The following RHOJ variants were observed in gnomAD, a reference collection of about 807,000 sequenced individuals.
RHOJ encodes the protein rho-related GTP-binding protein RhoJ.
Under a neutral mutation model 23.4 loss-of-function variants are expected in RHOJ, and 11 were observed. The ratio of observed to expected loss-of-function variants is 0.47; its 90% CI spans 0.30 to 0.78. The LOEUF (loss-of-function observed/expected upper bound fraction) is 0.78, where lower values mean the gene tolerates loss of function less well. Among genes scored for constraint, RHOJ ranks in the 30% least tolerant of loss-of-function variants. RHOJ has a pLI of 0.08. For missense variants in RHOJ, 254 were observed against 273.4 expected, an observed-to-expected ratio of 0.93 and a Z score of 0.50; for synonymous variants, 102 against 102.7, an observed-to-expected ratio of 0.99 and a Z score of 0.04.
At chr14:63,234,414 A>G (rs751741174) in intron 1 of RHOJ, among the ~76,000 whole-genome samples, 3 of 152,210 alleles carry the variant, frequency 2.0e-5, no homozygotes, top group Non-Finnish European at 4.4e-5. Flanking sequence ...TGCCTGATAT[A>G]TTATAGGTAC....
intron 1 of RHOJ, among the ~76,000 whole-genome samples, chr14:63,232,252 T>C (rs898447886): frequency 2.0e-5 from 3 of 152,262 alleles, no homozygotes; most frequent in African/African-American, 7.2e-5. Flanking sequence ...TCTTTTCTGA[T>C]ACTTCAAAAG....
intron 1 of RHOJ, among the ~76,000 whole-genome samples, chr14:63,259,599 A>G (rs1045195868): frequency 2.0e-5 from 3 of 152,262 alleles, no homozygotes; most frequent in Non-Finnish European, 4.4e-5. Context: ...CTGAGAACAT[A>G]CTTAATAATA....
intron 4 of RHOJ, among the ~76,000 whole-genome samples, chr14:63,287,321 G>A (rs963468868): frequency 6.6e-6 from 1 of 152,134 alleles, no homozygotes; most frequent in African/African-American, 2.4e-5. Flanking sequence ...AGCCTCTCTG[G>A]GTATCAGTTT....
chr14:63,263,846 T>C (rs939115746), intron 1 of RHOJ, among the ~76,000 whole-genome samples: 13 of 152,142 alleles, frequency 8.5e-5, no homozygotes, highest in African/African-American at 3.1e-4. Flanking sequence ...CCTGTGTGCC[T>C]ACCTTCTTGG....
At chr14:63,274,753 C>G (rs1444929483) in intron 2 of RHOJ, among the ~76,000 whole-genome samples, 2 of 152,260 alleles carry the variant, frequency 1.3e-5, no homozygotes, top group East Asian at 3.9e-4. Flanking sequence ...GAGAACTTAC[C>G]CAGGATCACA....
At chr14:63,208,494 T>C (rs1011477118) in intron 1 of RHOJ, among the ~76,000 whole-genome samples, 6 of 152,198 alleles carry the variant, frequency 3.9e-5, no homozygotes, top group African/African-American at 1.4e-4. Flanking sequence ...AATCCAACAG[T>C]CAATTCTAGG....
chr14:63,237,301 G>C (rs545591244), intron 1 of RHOJ, among the ~76,000 whole-genome samples: 2 of 152,044 alleles, frequency 1.3e-5, no homozygotes, highest in East Asian at 3.9e-4. Flanking sequence ...AACCTAGAAA[G>C]CATGATCTGA....
intron 1 of RHOJ, among the ~76,000 whole-genome samples, chr14:63,233,065 G>C (rs1268379222): frequency 6.6e-6 from 1 of 152,108 alleles, no homozygotes; most frequent in Non-Finnish European, 1.5e-5. Flanking sequence ...AGTAGCCAAA[G>C]GATAGGTGAG....
chr14:63,275,881 C>T (rs1000130187), intron 2 of RHOJ, among the ~76,000 whole-genome samples: 2 of 151,500 alleles, frequency 1.3e-5, no homozygotes, highest in Admixed American at 6.6e-5. Flanking sequence ...AAGTTACCAG[C>T]TGGCACAAAT....
intron 2 of RHOJ, among the ~76,000 whole-genome samples, chr14:63,277,966 A>AACACACACACACACACACACACAC (rs34023824): frequency 9.2e-5 from 13 of 141,408 alleles, no homozygotes; most frequent in African/African-American, 3.5e-4. Context: ...CAGCTACACA[A>AACACACACACACACACACACACAC]ACACACACAC....
chr14:63,205,794 G>T (rs749901297), intron 1 of RHOJ, among the ~76,000 whole-genome samples: 1 of 152,280 alleles, frequency 6.6e-6, no homozygotes, highest in East Asian at 1.9e-4. Context: ...TTTGTTTTGC[G>T]AGTGTTCTAA....
intron 4 of RHOJ, chr14:63,288,355 G>T (rs529821202): frequency 4.6e-5 from 45 of 985,212 alleles, no homozygotes; most frequent in Non-Finnish European, 5.4e-5. Flanking sequence ...TGGAATTCCA[G>T]GCAGAATCAA....
chr14:63,230,841 C>CTTTTTTA (rs1894679780), intron 1 of RHOJ, among the ~76,000 whole-genome samples: 2 of 95,274 alleles, frequency 2.1e-5, no homozygotes, highest in African/African-American at 1.0e-4. Flanking sequence ...GGGTACAAGG[C>CTTTTTTA]TTTTTTTTTT....
At chr14:63,243,592 G>A (rs768647400) in intron 1 of RHOJ, among the ~76,000 whole-genome samples, 115 of 152,202 alleles carry the variant, frequency 7.6e-4, no homozygotes, top group Non-Finnish European at 1.4e-3. Context: ...CACCCACCTT[G>A]GCTTCCCGAA....
At chr14:63,280,272 G>A (rs143206799) in intron 2 of RHOJ, among the ~76,000 whole-genome samples, 7 of 152,172 alleles carry the variant, frequency 4.6e-5, no homozygotes, top group East Asian at 1.9e-4. Context: ...TGATCCTCCC[G>A]CCTTGGCTTC....
At chr14:63,242,910 T>A (rs1894909419) in intron 1 of RHOJ, among the ~76,000 whole-genome samples, 1 of 152,166 alleles carries the variant, frequency 6.6e-6, no homozygotes, top group South Asian at 2.1e-4. Context: ...TGGCAAGTGA[T>A]TAAAAATTAA....
At chr14:63,225,397 A>G (rs67867117) in intron 1 of RHOJ, among the ~76,000 whole-genome samples, 16,194 of 152,168 alleles carry the variant, frequency 0.11, 1,013 homozygotes, top group African/African-American at 0.16. Context: ...TTTATAAGCA[A>G]TCTCATCCCT....
intron 1 of RHOJ, among the ~76,000 whole-genome samples, chr14:63,244,153 G>A (rs1330685983): frequency 6.6e-6 from 1 of 152,266 alleles, no homozygotes. Flanking sequence ...GAAGACGTAC[G>A]ATACAACATG....
intron 1 of RHOJ, among the ~76,000 whole-genome samples, chr14:63,207,721 A>C (rs989405254): frequency 5.3e-5 from 8 of 152,238 alleles, no homozygotes; most frequent in Non-Finnish European, 1.5e-5. Context: ...CCCGGTTCTA[A>C]TACTGGCTCT....
Sources: allele counts gnomAD v4.1 joint callset (sites outside exome capture counted in the v4.1 genomes callset), GRCh38; gene constraint gnomAD v4.1.1; transcripts MANE v1.5; gene names NCBI Gene and HGNC (gene_info 2026-07-23, HGNC 2026-07-21).